The following BLNK variants were observed in gnomAD, a reference collection of about 807,000 sequenced individuals.
BLNK encodes the protein B cell linker, also known as B-cell linker protein.
In BLNK, 29 loss-of-function variants were observed where a neutral mutation model predicts 73.5. The observed-to-expected ratio is 0.39, with a 90% confidence interval of 0.29 to 0.54. The LOEUF (loss-of-function observed/expected upper bound fraction) is 0.54, where lower values mean the gene tolerates loss of function less well. BLNK is among the 20% of genes least tolerant of loss of function. The probability of loss-of-function intolerance (pLI) is 0.61; values close to 1 mark genes in which losing one functional copy is unlikely to be tolerated. For missense variants in BLNK, 460 were observed against 562.8 expected (o/e 0.82, Z 1.85); for synonymous variants, 176 against 200.8 (o/e 0.88, Z 1.04).
At position 96,227,347 on chromosome 10, in the gene BLNK, TG is replaced by T. The variant is rs1325688973; in HGVS notation, c.361+62del. ...CAGGTTTGTCCCCACCCCGCAATCT[TG>T]GACACCCCCACCTCCCCATGGGCCT... On this transcript the variant is annotated intron_variant, in intron 5 of 16. Coordinates refer to ENST00000224337, the MANE Select transcript of BLNK (RefSeq NM_013314.4). 4 of 1,592,610 alleles carry T rather than the reference TG, an allele frequency of 2.5e-6. 1 individual carries two copies. Among genetic ancestry groups the T allele is most frequent in the Non-Finnish European group, 3.4e-6 (4 of 1,171,438 alleles).
intron 12 of BLNK, 100 bp from the exon 13 acceptor site, chr10:96,204,188 A>G (rs2083734432): frequency 9.4e-6 from 12 of 1,274,112 alleles, no homozygotes; most frequent in Admixed American, 1.7e-5. Flanking sequence ...CACATCACAA[A>G]TAAATCAATA....
Position 96,200,905 on chromosome 10 carries a change from GTCT to G in BLNK, c.1011+74_1011+76del, listed in dbSNP as rs2083614734. On this transcript the variant is annotated intron_variant, in intron 14 of 16. Coordinates refer to ENST00000224337, the MANE Select transcript of BLNK (RefSeq NM_013314.4). This position sits in a 1 kb window ranked among gnomAD's most constrained non-coding sequence, Gnocchi z 4.3. ...TCTGTTCTCAAGGTTCACTCCAAAT[GTCT>G]TCTTCTCAGAAGACATGCTCTTTCC... The G allele has an allele frequency of 7.7e-7, 1 of 1,305,592 alleles. No homozygotes were observed. The highest frequency in any genetic ancestry group is 1.7e-5 in the Admixed American group (1 of 59,548). 80.9% of individuals were successfully genotyped at this position (1,305,592 alleles called of 1,614,324 possible).
chr10:96,212,158 G>C (rs2083963127), intron 8 of BLNK, among the ~76,000 whole-genome samples: 1 of 152,028 alleles, frequency 6.6e-6, no homozygotes, highest in African/African-American at 2.4e-5. Context: ...GATTGTCATG[G>C]TGGAACACTG....
intron 4 of BLNK, among the ~76,000 whole-genome samples, chr10:96,228,801 T>C (rs587774777): frequency 2.0e-5 from 3 of 152,378 alleles, no homozygotes; most frequent in Admixed American, 1.3e-4. Context: ...AGAGGTCCTC[T>C]GGCCTCTGTG....
rs587706538 is a variant in BLNK at position 96,223,779 on chromosome 10, C to T, written c.525+47G>A. The stretch of plus-strand genomic sequence containing the variant: ...GGCAGGCTGTCCTGGTCGCTTGCCC[C>T]ACCCCCCTCTGTGTCCTGGGAAGCC... On this transcript the variant is annotated intron_variant, in intron 6 of 16. Transcript: ENST00000224337. The T allele has an allele frequency of 7.5e-6, 12 of 1,609,850 alleles. No individual in the cohort carries two copies. The South Asian group carries it at 1.2e-4, about 16-fold the overall frequency.
intron 1 of BLNK, 96 bp downstream of exon 1, chr10:96,271,256 A>G: frequency 7.0e-7 from 1 of 1,432,788 alleles, no homozygotes; most frequent in Middle Eastern, 1.8e-4. Context: ...GGAAACTAGC[A>G]AAGCATTCCA....
chr10:96,270,069 G>A (rs1844204294), intron 1 of BLNK, among the ~76,000 whole-genome samples: 2 of 152,138 alleles, frequency 1.3e-5, no homozygotes, highest in Non-Finnish European at 2.9e-5. Context: ...TCATGAGGGT[G>A]TAGCTATTTG....
chr10:96,233,379 A>C (rs1162409041), intron 3 of BLNK, among the ~76,000 whole-genome samples: 1 of 152,138 alleles, frequency 6.6e-6, no homozygotes, highest in Non-Finnish European at 1.5e-5. Context: ...TACCGTTTGT[A>C]GTTATTTTAT....
chr10:96,218,582 T>G (rs587759429), intron 6 of BLNK, among the ~76,000 whole-genome samples: 285 of 151,878 alleles, frequency 1.9e-3, no homozygotes, highest in Non-Finnish European at 3.2e-3. Context: ...TAGTCCCAGC[T>G]ACTCCAGAGG....
At chr10:96,204,010 C>T (rs2083727801) in intron 13 of BLNK, 47 bp downstream of exon 13, 2 of 1,547,750 alleles carry the variant, frequency 1.3e-6, no homozygotes, top group Admixed American at 1.7e-5. Context: ...CTCTAGGATC[C>T]AGCCTCGACC....
At chr10:96,209,316 T>G (rs1488974585) in intron 9 of BLNK, among the ~76,000 whole-genome samples, 1 of 152,260 alleles carries the variant, frequency 6.6e-6, no homozygotes, top group East Asian at 1.9e-4. Context: ...TGTGGAACAC[T>G]GTAAGTTAGT....
At chr10:96,247,115 A>G in intron 1 of BLNK, 66 bp from the exon 2 acceptor site, 2 of 1,123,334 alleles carry the variant, frequency 1.8e-6, no homozygotes, top group African/African-American at 1.6e-5. Context: ...AAAGTCTCCT[A>G]CTCTTCTCGA....
chr10:96,238,901 C>A, intron 3 of BLNK: 3 of 380,030 alleles, frequency 7.9e-6, no homozygotes, highest in Non-Finnish European at 9.3e-6. Context: ...TGGTTTATAG[C>A]AGGGTTTCTT....
chr10:96,241,055 G>A (rs11812669), intron 3 of BLNK, among the ~76,000 whole-genome samples: 34,156 of 152,112 alleles, frequency 0.22, 4,366 homozygotes, highest in Non-Finnish European at 0.29. Flanking sequence ...GATTGGCAGG[G>A]TGATGCCAAT....
chr10:96,220,349 A>G (rs1177766170), intron 6 of BLNK, among the ~76,000 whole-genome samples: 1 of 152,190 alleles, frequency 6.6e-6, no homozygotes, highest in African/African-American at 2.4e-5. Flanking sequence ...CACTTCAATG[A>G]TATTTCTGGA....
At chr10:96,203,999 A>T in intron 13 of BLNK, 58 bp downstream of exon 13, 1 of 1,464,866 alleles carries the variant, frequency 6.8e-7, no homozygotes, top group Admixed American at 1.7e-5. Context: ...GGCCTATCAG[A>T]CTCTAGGATC....
intron 1 of BLNK, among the ~76,000 whole-genome samples, chr10:96,252,236 A>G (rs1843315488): frequency 6.6e-6 from 1 of 151,944 alleles, no homozygotes; most frequent in Non-Finnish European, 1.5e-5. Context: ...TATTTTTAGT[A>G]GAGACAGGGT....
chr10:96,267,858 C>G (rs1333103475), intron 1 of BLNK, among the ~76,000 whole-genome samples: 1 of 152,186 alleles, frequency 6.6e-6, no homozygotes, highest in African/African-American at 2.4e-5. Context: ...ATTAGAATAA[C>G]AACAGTAATG....
chr10:96,220,821 G>C (rs2084180600), intron 6 of BLNK, among the ~76,000 whole-genome samples: 1 of 152,166 alleles, frequency 6.6e-6, no homozygotes, highest in Admixed American at 6.5e-5. Flanking sequence ...CAACTCCAAT[G>C]TTTAGATGTT....
Sources: gnomAD v4.1 joint callset for allele counts (sites outside exome capture counted in the v4.1 genomes callset) on GRCh38, gnomAD v4.1.1 for gene constraint, Gnocchi (gnomAD v3.1) non-coding constraint, MANE v1.5 for transcripts, NCBI Gene and HGNC (gene_info 2026-07-23, HGNC 2026-07-21) for gene names.